KCNT2: variants seen among roughly 807,000 people sequenced by gnomAD.
The protein encoded by KCNT2 is potassium sodium-activated channel subfamily T member 2.
In KCNT2, 67 loss-of-function variants were observed where a neutral mutation model predicts 153.8. The ratio of observed to expected loss-of-function variants is 0.44; its 90% CI spans 0.36 to 0.53. KCNT2 has a LOEUF of 0.53. Ranked by LOEUF, KCNT2 falls within the 20% of genes least tolerant of loss-of-function variation. KCNT2 has a pLI of 0.00. For synonymous variants in KCNT2, 500 were observed against 458.8 expected (o/e 1.09, Z -1.15); for missense variants, 975 against 1,354.8 (o/e 0.72, Z 4.40).
intron 1 of KCNT2, among the ~76,000 whole-genome samples, chr1:196,548,548 C>G (rs1028522873): frequency 6.6e-6 from 1 of 152,022 alleles, no homozygotes; most frequent in South Asian, 2.1e-4. Flanking sequence ...CACTTTTACA[C>G]TGTTGGTGGG....
intron 1 of KCNT2, among the ~76,000 whole-genome samples, chr1:196,581,146 T>C (rs1661990132): frequency 6.6e-6 from 1 of 152,126 alleles, no homozygotes; most frequent in Non-Finnish European, 1.5e-5. Context: ...CTTTTAGCAT[T>C]TTTACCTTTC....
At chr1:196,445,007 G>A (rs1316736397) in intron 8 of KCNT2, among the ~76,000 whole-genome samples, 2 of 151,262 alleles carry the variant, frequency 1.3e-5, no homozygotes, top group Non-Finnish European at 3.0e-5. Flanking sequence ...TAAGTTGTGA[G>A]CCCTTTATTC....
chr1:196,572,134 A>G (rs1251741117), intron 1 of KCNT2, among the ~76,000 whole-genome samples: 5 of 152,056 alleles, frequency 3.3e-5, no homozygotes, highest in African/African-American at 4.8e-5. Flanking sequence ...AACCTTGGCT[A>G]TAAAATAAGA....
chr1:196,358,148 T>G (rs1461903353), intron 14 of KCNT2, among the ~76,000 whole-genome samples: 1 of 151,858 alleles, frequency 6.6e-6, no homozygotes, highest in East Asian at 1.9e-4. Flanking sequence ...ATTGATCTCC[T>G]GTGCTTCTAG....
chr1:196,380,635 G>A (rs371180537), intron 13 of KCNT2, among the ~76,000 whole-genome samples: 2 of 152,084 alleles, frequency 1.3e-5, no homozygotes, highest in East Asian at 3.9e-4. Context: ...ATAGAAAAAC[G>A]AACCAGGGTG....
chr1:196,467,590 A>G (rs1677734131), intron 7 of KCNT2, 113 bp downstream of exon 7: 1 of 547,190 alleles, frequency 1.8e-6, no homozygotes. Flanking sequence ...AGAATGCAGA[A>G]TTAGAAAGTT....
intron 1 of KCNT2, among the ~76,000 whole-genome samples, chr1:196,605,885 T>G (rs1019769533): frequency 2.0e-5 from 3 of 152,202 alleles, no homozygotes; most frequent in Non-Finnish European, 2.9e-5. Context: ...ATTATTCTTA[T>G]AAGTTCAAAT....
Position 196,335,913 on chromosome 1 carries a change from C to T in KCNT2, c.1784-1853G>A, listed in dbSNP as rs186694823. Among the ~76,000 whole-genome samples the T allele has an allele frequency of 1.1e-4, 17 of 152,152 alleles. No homozygotes were observed. In the South Asian group the frequency reaches 2.3e-3, roughly 20 times the overall value. ...TTGTCTCTCTCATTCCCTTGATGCT[C>T]TCTCTTCTCTTCTTAACTATCTTAA... On this transcript the variant is annotated intron_variant, in intron 16 of 27. Coordinates refer to ENST00000294725, the MANE Select transcript of KCNT2 (RefSeq NM_198503.5).
chr1:196,523,060 A>G (rs1161021839), intron 1 of KCNT2, among the ~76,000 whole-genome samples: 2 of 152,182 alleles, frequency 1.3e-5, no homozygotes, highest in Non-Finnish European at 2.9e-5. Flanking sequence ...TTGGGTCCAC[A>G]CTACCTTTTT....
At chr1:196,334,487 C>CTTTTCTTTTTTTTTTTTTTTTTT (rs1664802330) in intron 16 of KCNT2, among the ~76,000 whole-genome samples, 1 of 87,264 alleles carries the variant, frequency 1.1e-5, no homozygotes, top group African/African-American at 4.4e-5. Flanking sequence ...TTCTTTCTTT[C>CTTTTCTTTTTTTTTTTTTTTTTT]TTTTTTTTTT....
chr1:196,496,120 T>G (rs954350879), intron 1 of KCNT2, among the ~76,000 whole-genome samples: 2 of 152,182 alleles, frequency 1.3e-5, no homozygotes, highest in Non-Finnish European at 2.9e-5. Flanking sequence ...TTCTTTAATA[T>G]TTCTACAGTA....
At chr1:196,375,422 C>T (rs544951787) in intron 13 of KCNT2, among the ~76,000 whole-genome samples, 1 of 151,864 alleles carries the variant, frequency 6.6e-6, no homozygotes, top group East Asian at 1.9e-4. Context: ...AGGGATGCAA[C>T]TGCGGTGTAA....
rs768867466 is a variant in KCNT2 at position 196,479,207 on chromosome 1, G to C, written c.356C>G (p.Thr119Arg). 2.2e-5 allele frequency: 35 copies of C among 1,574,070 alleles called. No homozygotes were observed. The highest frequency in any genetic ancestry group is 3.0e-5 in the Non-Finnish European group (35 of 1,149,182). The change falls in exon 5 of 28, where the codon ACA (threonine) becomes AGA (arginine). Residue 119 changes from threonine to arginine, a missense_variant. Thr to Arg is a moderately conservative substitution (Grantham distance 71). Around this residue, in one of 6 missense-constraint regions of KCNT2, gnomAD observed 140 missense variants for 216.0 expected, o/e 0.65. Transcript: ENST00000294725. ...VSVALISLFE[T>R]ILLGYLSYKG... ...ATAACTAAGATAACCAAGTAATATT[G>C]TTTCAAACAGACTTATCAATGCCAC...
intron 1 of KCNT2, among the ~76,000 whole-genome samples, chr1:196,564,254 G>A (rs995097364): frequency 1.3e-5 from 2 of 151,520 alleles, no homozygotes; most frequent in African/African-American, 4.8e-5. Flanking sequence ...TCTTAATCCT[G>A]TTTATAATAG....
chr1:196,348,993 T>C (rs549310803), intron 14 of KCNT2, among the ~76,000 whole-genome samples: 1 of 152,128 alleles, frequency 6.6e-6, no homozygotes, highest in Non-Finnish European at 1.5e-5. Flanking sequence ...CTCTAGTCTC[T>C]CTGAATAAAG....
intron 1 of KCNT2, among the ~76,000 whole-genome samples, chr1:196,584,633 T>C (rs1198444102): frequency 2.0e-5 from 3 of 152,072 alleles, no homozygotes; most frequent in Non-Finnish European, 4.4e-5. Context: ...TTCAGAAAAG[T>C]ATATTGTCAA....
chr1:196,426,336 C>G (rs1306252498), intron 10 of KCNT2, among the ~76,000 whole-genome samples: 1 of 151,910 alleles, frequency 6.6e-6, no homozygotes, highest in Non-Finnish European at 1.5e-5. Context: ...ACATTGAACA[C>G]CAGGCAGAAG....
intron 24 of KCNT2, among the ~76,000 whole-genome samples, chr1:196,281,695 T>C (rs1341834048): frequency 6.6e-6 from 1 of 152,092 alleles, no homozygotes. Context: ...TCACCGTTTT[T>C]GTGGACAGTA....
At chr1:196,528,864 C>A (rs978788024) in intron 1 of KCNT2, among the ~76,000 whole-genome samples, 2 of 152,152 alleles carry the variant, frequency 1.3e-5, no homozygotes, top group Non-Finnish European at 2.9e-5. Flanking sequence ...CTATTCTAAT[C>A]ATTCAAGGGT....
Sources: allele counts gnomAD v4.1 joint callset (sites outside exome capture counted in the v4.1 genomes callset), GRCh38; gene constraint gnomAD v4.1.1; regional missense constraint gnomAD v4.1.1; transcripts MANE v1.5; gene names NCBI Gene and HGNC (gene_info 2026-07-23, HGNC 2026-07-21).